Variants in ST8SIA1 observed in about 807,000 individuals in gnomAD.
The protein encoded by ST8SIA1 is alpha-N-acetylneuraminide alpha-2,8-sialyltransferase.
A neutral mutation model predicts 35.9 loss-of-function variants in ST8SIA1; 16 were observed. That is an observed-to-expected ratio of 0.45 (90% CI 0.30 to 0.68). The LOEUF is 0.68. Among genes scored for constraint, ST8SIA1 ranks in the 30% least tolerant of loss-of-function variants. The pLI is 0.09. For missense variants in ST8SIA1, 383 were observed against 453.6 expected (o/e 0.84, Z 1.41); for synonymous variants, 170 against 169.6 (o/e 1.00, Z -0.02).
At chr12:22,289,856 A>G (rs1866153289) in intron 1 of ST8SIA1, among the ~76,000 whole-genome samples, 1 of 152,248 alleles carries the variant, frequency 6.6e-6, no homozygotes, top group South Asian at 2.1e-4. Flanking sequence ...TGCATCCTCA[A>G]AATAGCCTAA....
chr12:22,200,628 G>T lies in ST8SIA1; in HGVS notation c.*924C>A, dbSNP rs534539123. On this transcript the variant is annotated 3_prime_UTR_variant, in exon 5 of 5. Transcript: ENST00000396037. The stretch of plus-strand genomic sequence containing the variant: ...TAGATAGAAAAGGGATTTGTCTTCT[G>T]GTCTGTCTTCCACAGAGACTAAGCT... 6.6e-6 allele frequency: 1 copy of T among 152,164 alleles called. No individual in the cohort carries two copies. Among genetic ancestry groups the T allele is most frequent in the South Asian group, 2.1e-4 (1 of 4,814 alleles). 9.4% of individuals were successfully genotyped at this position (152,164 alleles called of 1,614,324 possible). A position where few individuals can be genotyped will look rare whatever the true frequency, so the allele number is the denominator to read the frequency against.
chr12:22,294,832 T>C (rs1866223820), intron 1 of ST8SIA1, among the ~76,000 whole-genome samples: 2 of 152,348 alleles, frequency 1.3e-5, no homozygotes, highest in South Asian at 4.1e-4. Context: ...AGAATATCAA[T>C]GTTTCTAGGA....
At chr12:22,216,360 C>T (rs1242214970) in intron 4 of ST8SIA1, among the ~76,000 whole-genome samples, 1 of 152,152 alleles carries the variant, frequency 6.6e-6, no homozygotes, top group Non-Finnish European at 1.5e-5. Context: ...CACTGCTCGT[C>T]AGCACTCCCT....
chr12:22,272,023 T>A (rs1865916409), intron 2 of ST8SIA1, among the ~76,000 whole-genome samples: 1 of 152,218 alleles, frequency 6.6e-6, no homozygotes, highest in Non-Finnish European at 1.5e-5. Context: ...TAATCTATCT[T>A]ACATCTTATA....
rs879042394 is a variant in ST8SIA1 at position 22,201,500 on chromosome 12, T to C, written c.*52A>G. On this transcript the variant is annotated 3_prime_UTR_variant, in exon 5 of 5. Coordinates refer to ENST00000396037, the MANE Select transcript of ST8SIA1 (RefSeq NM_003034.4). Reference sequence around the variant, plus strand: ...TTGACCATTCCCTCTTGGAGTCACATAGAAAACCTAACAAAAATACCCTGG... The same window carrying C: ...TTGACCATTCCCTCTTGGAGTCACACAGAAAACCTAACAAAAATACCCTGG... 10 of 1,535,232 alleles carry C rather than the reference T, an allele frequency of 6.5e-6. No individual in the cohort carries two copies. In the South Asian group the frequency reaches 1.2e-4, roughly 18 times the overall value.
At position 22,334,310 on chromosome 12, in the gene ST8SIA1, C is replaced by A; in HGVS notation, c.-78G>T. On this transcript the variant is annotated 5_prime_UTR_variant, in exon 1 of 5. Transcript: ENST00000396037. ...CGAAGTGGCAGCGGAGGGTCCCCCA[C>A]CGCCAGCCCCCCATGCACACACACC... 1.8e-6 allele frequency: 2 copies of A among 1,125,970 alleles called. No individual in the cohort carries two copies. The highest frequency in any genetic ancestry group is 1.3e-6 in the Non-Finnish European group (1 of 780,704). 69.7% of individuals were successfully genotyped at this position (1,125,970 alleles called of 1,614,324 possible). A position where few individuals can be genotyped will look rare whatever the true frequency, so the allele number is the denominator to read the frequency against.
At chr12:22,310,518 C>A (rs1252203988) in intron 1 of ST8SIA1, among the ~76,000 whole-genome samples, 1 of 152,126 alleles carries the variant, frequency 6.6e-6, no homozygotes, top group Non-Finnish European at 1.5e-5. Context: ...GCCTAGAGAC[C>A]ATATGTCCCC....
chr12:22,242,795 A>G (rs1865555129), intron 4 of ST8SIA1, among the ~76,000 whole-genome samples: 1 of 152,204 alleles, frequency 6.6e-6, no homozygotes, highest in Non-Finnish European at 1.5e-5. Context: ...GAAAAAGGAT[A>G]ATAGTAAGGA....
chr12:22,235,348 A>T (rs1046461483), intron 4 of ST8SIA1, among the ~76,000 whole-genome samples: 1 of 152,218 alleles, frequency 6.6e-6, no homozygotes, highest in Non-Finnish European at 1.5e-5. Context: ...TATTTAATCT[A>T]CAGGGTTTCT....
At chr12:22,324,014 G>A (rs1027436501) in intron 1 of ST8SIA1, among the ~76,000 whole-genome samples, 1 of 150,302 alleles carries the variant, frequency 6.7e-6, no homozygotes, top group Admixed American at 6.6e-5. Context: ...TAAAATACAA[G>A]TTGAAAAAAA....
intron 2 of ST8SIA1, among the ~76,000 whole-genome samples, chr12:22,284,709 C>G (rs2135814778): frequency 1.3e-5 from 2 of 152,334 alleles, no homozygotes; most frequent in South Asian, 4.1e-4. Flanking sequence ...AAAAAGTATT[C>G]TTCCTTTATT....
chr12:22,214,723 T>C (rs1473210318), intron 4 of ST8SIA1, among the ~76,000 whole-genome samples: 2 of 152,116 alleles, frequency 1.3e-5, no homozygotes, highest in African/African-American at 2.4e-5. Context: ...TAGTAATAAT[T>C]TGAGATAAAA....
In ST8SIA1 at chr12:22,201,630, G is replaced by A; in HGVS notation, c.993C>T (p.Leu331=). Residue 331 remains leucine, a synonymous_variant, in exon 5 of 5, where the codon CTC becomes CTT. Transcript: ENST00000396037. ...FHAMPEEFLQ[L]WYLHKIGALR... ...GTGCACCGATTTTATGAAGATACCA[G>A]AGTTGGAGAAATTCCTCGGGCATGG... is the stretch of plus-strand genomic sequence containing the variant. The A allele has an allele frequency of 1.2e-6, 2 of 1,614,112 alleles. No homozygotes were observed. Among genetic ancestry groups the A allele is most frequent in the Non-Finnish European group, 1.7e-6 (2 of 1,179,990 alleles).
chr12:22,205,832 A>T (rs1437765844), intron 4 of ST8SIA1, among the ~76,000 whole-genome samples: 1 of 152,200 alleles, frequency 6.6e-6, no homozygotes, highest in Non-Finnish European at 1.5e-5. Flanking sequence ...ACACAGGAAA[A>T]TATTAACAAA....
intron 4 of ST8SIA1, among the ~76,000 whole-genome samples, chr12:22,211,617 GTTAC>G (rs1412055265): frequency 5.9e-5 from 9 of 152,190 alleles, no homozygotes; most frequent in African/African-American, 2.2e-4. Context: ...ATATATGTAT[GTTAC>G]TTGTGTTATT....
At chr12:22,306,432 G>A (rs974940243) in intron 1 of ST8SIA1, among the ~76,000 whole-genome samples, 3 of 152,050 alleles carry the variant, frequency 2.0e-5, no homozygotes, top group Admixed American at 2.0e-4. Flanking sequence ...TACAAGCAAA[G>A]TACAATTTTT....
chr12:22,292,698 G>A (rs950805999), intron 1 of ST8SIA1, among the ~76,000 whole-genome samples: 3 of 152,224 alleles, frequency 2.0e-5, no homozygotes, highest in South Asian at 4.1e-4. Context: ...TAAACACTGG[G>A]TACACAGGGA....
chr12:22,297,777 T>C (rs1417470921), intron 1 of ST8SIA1, among the ~76,000 whole-genome samples: 4 of 152,250 alleles, frequency 2.6e-5, no homozygotes, highest in South Asian at 2.1e-4. Context: ...TGACCCCGTT[T>C]CCTGGCATAC....
intron 1 of ST8SIA1, among the ~76,000 whole-genome samples, chr12:22,311,082 C>T (rs1866444102): frequency 6.6e-6 from 1 of 152,148 alleles, no homozygotes; most frequent in South Asian, 2.1e-4. Context: ...ACATGCAAAA[C>T]ACAAAGAACA....
Sources: gnomAD v4.1 joint callset for allele counts (sites outside exome capture counted in the v4.1 genomes callset) on GRCh38, gnomAD v4.1.1 for gene constraint, MANE v1.5 for transcripts, NCBI Gene and HGNC (gene_info 2026-07-23, HGNC 2026-07-21) for gene names.